TACC2: variants seen among roughly 807,000 people sequenced by gnomAD.
The protein encoded by TACC2 is transforming acidic coiled-coil-containing protein 2.
Under a neutral mutation model 227.3 loss-of-function variants are expected in TACC2, and 137 were observed. The observed-to-expected ratio is 0.60, with a 90% CI of 0.52 to 0.69. The LOEUF (loss-of-function observed/expected upper bound fraction) is 0.69, where lower values mean the gene tolerates loss of function less well. TACC2 is among the 30% of genes least tolerant of loss of function. The pLI is 0.00. For missense variants in TACC2, 3,470 were observed against 3,694.4 expected (o/e 0.94, Z 1.57); for synonymous variants, 1,523 against 1,487.5 (o/e 1.02, Z -0.55).
intron 1 of TACC2, among the ~76,000 whole-genome samples, chr10:122,021,662 A>G (rs1439703692): frequency 6.6e-6 from 1 of 152,174 alleles, no homozygotes; most frequent in Non-Finnish European, 1.5e-5. Context: ...GTATATGTGT[A>G]CGCTGGCACT....
chr10:122,199,667 C>G (rs1167633649), intron 8 of TACC2, among the ~76,000 whole-genome samples: 1 of 152,214 alleles, frequency 6.6e-6, no homozygotes, highest in African/African-American at 2.4e-5. Context: ...TTCCCTATGA[C>G]AGCTGATGAC....
At chr10:122,136,195 T>C (rs973801447) in intron 6 of TACC2, among the ~76,000 whole-genome samples, 12 of 152,178 alleles carry the variant, frequency 7.9e-5, no homozygotes, top group African/African-American at 2.4e-5. Flanking sequence ...TGTCTCCTAA[T>C]TCAGGGTTCA....
chr10:122,157,847 A>G (rs2092585952), intron 7 of TACC2, among the ~76,000 whole-genome samples: 2 of 152,260 alleles, frequency 1.3e-5, no homozygotes, highest in South Asian at 4.1e-4. Context: ...GTTTAAAAAA[A>G]AAAGAAAGCT....
Position 122,086,054 on chromosome 10 carries a change from A to G in TACC2, c.3554A>G (p.His1185Arg). 6.2e-7 allele frequency: 1 copy of G among 1,613,740 alleles called. No homozygotes were observed. Among genetic ancestry groups the G allele is most frequent in the Non-Finnish European group, 8.5e-7 (1 of 1,179,990 alleles). Residue 1185 changes from histidine to arginine, a missense_variant, in exon 4 of 23, where the codon CAC (histidine) becomes CGC (arginine). His to Arg is a conservative substitution (Grantham distance 29). Coordinates refer to ENST00000369005, the MANE Select transcript of TACC2 (RefSeq NM_206862.4). Reference sequence around the variant, plus strand: ...CTACGTGAGTCCTGCCAAGCTGAGCACCCCATGGCCAGCTGCCAGGATGCC... The same window carrying G: ...CTACGTGAGTCCTGCCAAGCTGAGCGCCCCATGGCCAGCTGCCAGGATGCC... ...SALRESCQAE[H>R]PMASCQDALL... is the part of the protein sequence containing the mutation.
intron 1 of TACC2, among the ~76,000 whole-genome samples, chr10:122,008,264 A>ATTATTATTATTATTTTT: frequency 2.8e-4 from 38 of 134,660 alleles, no homozygotes; most frequent in South Asian, 1.7e-3. Flanking sequence ...TATTATTATT[A>ATTATTATTATTATTTTT]TTTTTTTTTT....
intron 11 of TACC2, among the ~76,000 whole-genome samples, chr10:122,217,564 G>A (rs965911997): frequency 6.7e-6 from 1 of 149,802 alleles, no homozygotes; most frequent in African/African-American, 2.5e-5. Context: ...TCAGCCTTGC[G>A]AGTAGCTGAG....
At chr10:122,062,934 C>A (rs2076995710) in intron 3 of TACC2, among the ~76,000 whole-genome samples, 2 of 152,186 alleles carry the variant, frequency 1.3e-5, no homozygotes, top group East Asian at 1.9e-4. Context: ...CCCAAGGGGG[C>A]CTTATGAGGA....
At chr10:122,119,226 A>G (rs999214294) in intron 5 of TACC2, among the ~76,000 whole-genome samples, 3 of 152,202 alleles carry the variant, frequency 2.0e-5, no homozygotes, top group Non-Finnish European at 4.4e-5. Context: ...TCTTTCAAGT[A>G]ATGCATTTAT....
At chr10:122,014,111 T>C (rs918413539) in intron 1 of TACC2, among the ~76,000 whole-genome samples, 1 of 152,088 alleles carries the variant, frequency 6.6e-6, no homozygotes, top group Non-Finnish European at 1.5e-5. Flanking sequence ...TATCAACAAA[T>C]CCCAATAGAT....
At chr10:122,114,702 A>T (rs1001136455) in intron 5 of TACC2, among the ~76,000 whole-genome samples, 1 of 152,178 alleles carries the variant, frequency 6.6e-6, no homozygotes, top group East Asian at 1.9e-4. Context: ...CAAAAGTTAC[A>T]TCCCAAGCCT....
intron 3 of TACC2, among the ~76,000 whole-genome samples, chr10:122,071,429 T>C (rs1181091100): frequency 6.6e-6 from 1 of 152,128 alleles, no homozygotes; most frequent in Non-Finnish European, 1.5e-5. Flanking sequence ...CTGTTGACTT[T>C]TAGGACCCCA....
Position 122,087,383 on chromosome 10 carries a change from C to T in TACC2, c.4883C>T (p.Pro1628Leu), listed in dbSNP as rs2080202317. 1 of 1,614,056 alleles carries T rather than the reference C, an allele frequency of 6.2e-7. No individual in the cohort carries two copies. Among genetic ancestry groups the T allele is most frequent in the East Asian group, 2.2e-5 (1 of 44,876 alleles). ...CACACAGGGGTTCCAGGACATGTGC[C>T]AAGGTCCACGTGTGCCCCTTCTCCT... ...FAHTGVPGHV[P>L]RSTCAPSPQR... The change falls in exon 4 of 23, where the codon CCA (proline) becomes CTA (leucine). Residue 1628 changes from proline (P) to leucine (L), a missense_variant. Coordinates refer to ENST00000369005, the MANE Select transcript of TACC2 (RefSeq NM_206862.4).
intron 1 of TACC2, among the ~76,000 whole-genome samples, chr10:122,000,524 T>C (rs1954172067): frequency 6.6e-6 from 1 of 152,204 alleles, no homozygotes; most frequent in Non-Finnish European, 1.5e-5. Context: ...TCGGCCAGGA[T>C]TGGCTTAGGA....
chr10:122,135,089 T>C (rs56378821), intron 6 of TACC2, among the ~76,000 whole-genome samples: 1,524 of 152,274 alleles, frequency 0.01, 21 homozygotes, highest in African/African-American at 0.035. Context: ...CATCTCACAG[T>C]TGAGCAGACT....
At chr10:122,149,962 C>G (rs925477335) in intron 7 of TACC2, among the ~76,000 whole-genome samples, 1 of 152,196 alleles carries the variant, frequency 6.6e-6, no homozygotes, top group African/African-American at 2.4e-5. Flanking sequence ...TGATGGGTCC[C>G]CTGGTTCCCG....
chr10:122,086,078 C>G lies in TACC2; in HGVS notation c.3578C>G (p.Ala1193Gly). The change falls in exon 4 of 23, where the codon GCC (alanine) becomes GGC (glycine). Residue 1193 changes from alanine to glycine, a missense_variant. Around this residue, in one of 10 missense-constraint regions of TACC2, gnomAD observed 1,924 missense variants for 1,978.3 expected, o/e 0.97. Transcript: ENST00000369005. The stretch of plus-strand genomic sequence containing the variant: ...CACCCCATGGCCAGCTGCCAGGATG[C>G]CTTGCTGCCAGCCAGAGAGCTGGGT... ...AEHPMASCQD[A>G]LLPARELGGI... 1 of 1,613,862 alleles carries G rather than the reference C, an allele frequency of 6.2e-7. No individual in the cohort carries two copies. The highest frequency in any genetic ancestry group is 8.5e-7 in the Non-Finnish European group (1 of 1,180,040).
chr10:122,110,925 C>T (rs190283855), intron 5 of TACC2, among the ~76,000 whole-genome samples: 9 of 152,350 alleles, frequency 5.9e-5, no homozygotes, highest in African/African-American at 1.4e-4. Context: ...TGGAAGCCCT[C>T]GAGGAAAAAT....
At chr10:122,014,089 G>T (rs2420982) in intron 1 of TACC2, among the ~76,000 whole-genome samples, 1 of 151,940 alleles carries the variant, frequency 6.6e-6, no homozygotes, top group African/African-American at 2.4e-5. Context: ...AACATGATGC[G>T]ATTGTCTAAC....
intron 7 of TACC2, among the ~76,000 whole-genome samples, chr10:122,160,506 T>C (rs1386701495): frequency 6.6e-6 from 1 of 151,788 alleles, no homozygotes; most frequent in East Asian, 1.9e-4. Flanking sequence ...GGCCACTTTC[T>C]TGCCTCACAC....
Sources: gnomAD v4.1 joint callset for allele counts (sites outside exome capture counted in the v4.1 genomes callset) on GRCh38, gnomAD v4.1.1 for gene constraint, gnomAD v4.1.1 regional missense constraint, MANE v1.5 for transcripts, NCBI Gene and HGNC (gene_info 2026-07-23, HGNC 2026-07-21) for gene names.